The following SORCS1 variants were observed in gnomAD, a reference collection of about 807,000 sequenced individuals.
SORCS1 encodes VPS10 domain-containing receptor SorCS1.
SORCS1 carries 60 observed loss-of-function variants against 146.1 expected under a neutral mutation model. That is an observed-to-expected ratio of 0.41 (90% CI 0.33 to 0.51). The LOEUF is 0.51. Among genes scored for constraint, SORCS1 ranks in the 20% least tolerant of loss-of-function variants. The pLI, the probability that SORCS1 is intolerant of heterozygous loss-of-function variation, is 0.21. For missense variants in SORCS1, 1,352 were observed against 1,487.6 expected (o/e 0.91, Z 1.50); for synonymous variants, 637 against 584.0 (o/e 1.09, Z -1.31).
At chr10:106,901,638 G>C (rs972661633) in intron 2 of SORCS1, among the ~76,000 whole-genome samples, 2 of 152,184 alleles carry the variant, frequency 1.3e-5, no homozygotes, top group Non-Finnish European at 2.9e-5. Context: ...GTTTCACCAT[G>C]TTGCCCAGGC....
At chr10:107,056,073 G>A (rs1264451027) in intron 1 of SORCS1, among the ~76,000 whole-genome samples, 1 of 152,182 alleles carries the variant, frequency 6.6e-6, no homozygotes, top group Non-Finnish European at 1.5e-5. Context: ...AAAGTGAGAA[G>A]TTGTAGAATG....
Position 106,689,822 on chromosome 10 carries a change from C to T in SORCS1, c.1414-1484G>A, listed in dbSNP as rs374818006. Among the ~76,000 whole-genome samples the T allele has an allele frequency of 3.9e-5, 6 of 152,216 alleles. No individual in the cohort carries two copies. In the East Asian group the frequency reaches 5.8e-4, roughly 15 times the overall value. ...CAATTCTAAGAGGTTGGGTTTCAAT[C>T]GATAGAAGACACACATTTTGCCTTT... is the stretch of plus-strand genomic sequence containing the variant. On this transcript the variant is annotated intron_variant, in intron 9 of 25. Transcript: ENST00000263054.
intron 1 of SORCS1, among the ~76,000 whole-genome samples, chr10:107,034,825 C>T (rs1451706485): frequency 1.3e-5 from 2 of 151,660 alleles, no homozygotes; most frequent in Non-Finnish European, 2.9e-5. Context: ...CCTTTTTCAC[C>T]AGAACTCCTT....
chr10:107,049,113 G>T (rs908740905), intron 1 of SORCS1, among the ~76,000 whole-genome samples: 6 of 151,450 alleles, frequency 4.0e-5, no homozygotes, highest in African/African-American at 1.5e-4. Flanking sequence ...CATGTCCTTT[G>T]TAGGGACATG....
At chr10:106,647,941 G>A (rs1400736916) in intron 18 of SORCS1, among the ~76,000 whole-genome samples, 1 of 152,258 alleles carries the variant, frequency 6.6e-6, no homozygotes, top group South Asian at 2.1e-4. Flanking sequence ...AATTATGGTT[G>A]ACTGTAGCTT....
intron 17 of SORCS1, among the ~76,000 whole-genome samples, chr10:106,654,667 C>G (rs547833513): frequency 6.6e-6 from 1 of 152,306 alleles, no homozygotes; most frequent in South Asian, 2.1e-4. Flanking sequence ...ACCCTCCAAG[C>G]ATCTCACTTA....
intron 2 of SORCS1, among the ~76,000 whole-genome samples, chr10:106,917,712 G>A: frequency 6.6e-6 from 1 of 152,208 alleles, no homozygotes; most frequent in East Asian, 1.9e-4. Context: ...CTGAGAAGCA[G>A]TGGATTAAGT....
chr10:106,577,418 C>T lies in SORCS1; in HGVS notation c.*2G>A. 1.2e-6 allele frequency: 2 copies of T among 1,613,866 alleles called. No individual in the cohort carries two copies. The highest frequency in any genetic ancestry group is 1.7e-6 in the Non-Finnish European group (2 of 1,179,842). On this transcript the variant is annotated 3_prime_UTR_variant, in exon 26 of 26. Transcript: ENST00000263054. ...GTCGCCTGTAGCCTTTGGGGGTTTTCCTTAAATTGCATACTGTGCCCCAGC... is the reference window on the plus strand; with the variant it reads ...GTCGCCTGTAGCCTTTGGGGGTTTTTCTTAAATTGCATACTGTGCCCCAGC...
chr10:106,920,255 G>C (rs1952648515), intron 2 of SORCS1, among the ~76,000 whole-genome samples: 1 of 152,216 alleles, frequency 6.6e-6, no homozygotes, highest in Admixed American at 6.5e-5. Context: ...TGTAACCACA[G>C]TGGTAAGCAA....
intron 24 of SORCS1, among the ~76,000 whole-genome samples, chr10:106,589,510 AT>A (rs1292781579): frequency 1.3e-5 from 2 of 152,178 alleles, no homozygotes; most frequent in East Asian, 3.9e-4. Context: ...CTGTCAGCAG[AT>A]TCCCCTCACC....
Position 106,709,217 on chromosome 10 carries a change from T to C in SORCS1, c.1143+6A>G. ...GAGACAATCAACAGAAGTGGATTTT[T>C]CCTACCTGAACAAACACATAATGAT... On this transcript the variant is annotated splice_donor_region_variant and intron_variant, in intron 7 of 25. Transcript: ENST00000263054. The C allele has an allele frequency of 1.2e-6, 2 of 1,605,936 alleles. No homozygotes were observed.
At chr10:106,615,434 T>C (rs7079608) in intron 21 of SORCS1, among the ~76,000 whole-genome samples, 148,571 of 152,288 alleles carry the variant, frequency 0.98, 72,563 homozygotes, top group East Asian at 1. Flanking sequence ...ATCTTCCTGC[T>C]TTTTCTTTCA....
At chr10:106,601,454 A>G (rs1564762943) in intron 23 of SORCS1, among the ~76,000 whole-genome samples, 1 of 152,176 alleles carries the variant, frequency 6.6e-6, no homozygotes, top group Non-Finnish European at 1.5e-5. Context: ...TGCAACCTAC[A>G]TTTCATTTAA....
At position 106,762,039 on chromosome 10, in the gene SORCS1, T is replaced by C. The variant is rs189195882; in HGVS notation, c.886-378A>G. ...TGCAAAGAAGTGCAAAATCTAGACC[T>C]GGTTCTGGAAGAGTACGCAATGTAA... On this transcript the variant is annotated intron_variant, in intron 4 of 25. Transcript: ENST00000263054. Among the ~76,000 whole-genome samples the C allele has an allele frequency of 8.7e-4, 132 of 152,316 alleles. 1 individual carries two copies. Among genetic ancestry groups the C allele is most frequent in the African/African-American group, 3.0e-3 (126 of 41,564 alleles).
At position 106,688,234 on chromosome 10, in the gene SORCS1, C is replaced by A; in HGVS notation, c.1518G>T (p.Ala506=). ...GGTCCCCCCTTAGATCCGTGTCCGGCGCCTGCAGCAAACGCCAGTCTCTGC... is the reference window on the plus strand; with the variant it reads ...GGTCCCCCCTTAGATCCGTGTCCGGAGCCTGCAGCAAACGCCAGTCTCTGC... ...NKGRDWRLLQ[A]PDTDLRGDPV... is the part of the protein sequence containing the mutation. The change falls in exon 10 of 26, where the codon GCG becomes GCT. Residue 506 remains alanine (A), a synonymous_variant. Transcript: ENST00000263054. 2 of 1,614,038 alleles carry A rather than the reference C, an allele frequency of 1.2e-6. No individual in the cohort carries two copies. Among genetic ancestry groups the A allele is most frequent in the Non-Finnish European group, 8.5e-7 (1 of 1,179,926 alleles).
At chr10:106,863,925 A>G (rs1950125843) in intron 2 of SORCS1, among the ~76,000 whole-genome samples, 1 of 152,008 alleles carries the variant, frequency 6.6e-6, no homozygotes, top group African/African-American at 2.4e-5. Flanking sequence ...CACTGTGTAG[A>G]CGAAAACACT....
At chr10:106,811,128 C>T (rs548815142) in intron 3 of SORCS1, among the ~76,000 whole-genome samples, 7 of 151,936 alleles carry the variant, frequency 4.6e-5, no homozygotes, top group East Asian at 3.9e-4. Context: ...TTAGTAGAGA[C>T]GGGGTTTCAC....
intron 5 of SORCS1, among the ~76,000 whole-genome samples, chr10:106,732,661 G>A (rs1422989340): frequency 6.6e-6 from 1 of 152,188 alleles, no homozygotes; most frequent in Non-Finnish European, 1.5e-5. Flanking sequence ...CTTGGCTTAC[G>A]GCTAGTGTCA....
chr10:106,855,405 C>CT (rs1949748335), intron 2 of SORCS1, among the ~76,000 whole-genome samples: 1 of 152,224 alleles, frequency 6.6e-6, no homozygotes, highest in Admixed American at 6.5e-5. Flanking sequence ...TTAGTGTTCT[C>CT]TGAGTTTTCT....
Sources: gnomAD v4.1 joint callset for allele counts (sites outside exome capture counted in the v4.1 genomes callset) on GRCh38, gnomAD v4.1.1 for gene constraint, MANE v1.5 for transcripts, NCBI Gene and HGNC (gene_info 2026-07-23, HGNC 2026-07-21) for gene names.